Variants in TRPC6 observed in about 807,000 individuals in gnomAD.
The protein encoded by TRPC6 is transient receptor potential cation channel subfamily C member 6.
In TRPC6, 55 loss-of-function variants were observed where a neutral mutation model predicts 90.7. The observed-to-expected ratio is 0.61, with a 90% CI of 0.49 to 0.76. TRPC6 has a LOEUF of 0.76. Among genes scored for constraint, TRPC6 ranks in the 30% least tolerant of loss-of-function variants. The pLI is 0.00. For synonymous variants in TRPC6, 393 were observed against 393.0 expected (o/e 1.00, Z 0.00); for missense variants, 989 against 1,122.7 (o/e 0.88, Z 1.70).
chr11:101,478,729 C>T (rs1047294943), intron 5 of TRPC6, among the ~76,000 whole-genome samples: 3 of 152,028 alleles, frequency 2.0e-5, no homozygotes, highest in Non-Finnish European at 4.4e-5. Context: ...ATAGATCTTG[C>T]GATAAGGTGC....
chr11:101,516,235 C>A (rs1357829003), intron 1 of TRPC6, among the ~76,000 whole-genome samples: 2 of 152,032 alleles, frequency 1.3e-5, no homozygotes, highest in African/African-American at 4.8e-5. Flanking sequence ...TAAGTTCATG[C>A]TAGCAATGCA....
At chr11:101,541,528 A>AT (rs11389837) in intron 1 of TRPC6, among the ~76,000 whole-genome samples, 54,102 of 137,918 alleles carry the variant, frequency 0.39, 9,969 homozygotes, top group East Asian at 0.55. Context: ...CGCCCGGGTA[A>AT]TTTTTTGTAT....
intron 2 of TRPC6, among the ~76,000 whole-genome samples, chr11:101,494,991 T>G (rs1207206879): frequency 6.6e-6 from 1 of 152,190 alleles, no homozygotes; most frequent in Non-Finnish European, 1.5e-5. Flanking sequence ...AAATAAAATG[T>G]TGGTGGTAGC....
At chr11:101,519,526 C>CTACAAAATGAT (rs1458702097) in intron 1 of TRPC6, among the ~76,000 whole-genome samples, 2 of 151,954 alleles carry the variant, frequency 1.3e-5, no homozygotes, top group Non-Finnish European at 2.9e-5. Flanking sequence ...TGAAAACATG[C>CTACAAAATGAT]TACAAAATGA....
In TRPC6 at chr11:101,499,622, C is replaced by A. The variant is rs868494746; in HGVS notation, c.945+4402G>T. 3.0e-5 allele frequency among the ~76,000 whole-genome samples: 2 copies of A among 67,654 alleles called. 1 individual carries two copies. Among genetic ancestry groups the A allele is most frequent in the African/African-American group, 1.4e-4 (2 of 14,196 alleles). 44.4% of individuals were successfully genotyped at this position (67,654 alleles called of 152,430 possible). On this transcript the variant is annotated intron_variant, in intron 2 of 12. Coordinates refer to ENST00000344327, the MANE Select transcript of TRPC6 (RefSeq NM_004621.6). ...CGTATATATGGTATATATATATACA[C>A]ACACAATATAAAATGTGTATATATA... is the stretch of plus-strand genomic sequence containing the variant.
Position 101,476,059 on chromosome 11 carries a change from A to G in TRPC6, c.1744+242T>C, listed in dbSNP as rs747988208. Among the ~76,000 whole-genome samples the G allele has an allele frequency of 2.6e-5, 4 of 152,140 alleles. No homozygotes were observed. The South Asian group carries it at 6.2e-4, about 24-fold the overall frequency. On this transcript the variant is annotated intron_variant, in intron 6 of 12. Coordinates refer to ENST00000344327, the MANE Select transcript of TRPC6 (RefSeq NM_004621.6). ...CTCCATGAAGTTTGATAAGTAGCCA[A>G]TTGATCCAAGAGATAAAGGGAGATG...
At chr11:101,558,425 AT>A (rs1861634330) in intron 1 of TRPC6, among the ~76,000 whole-genome samples, 3 of 111,836 alleles carry the variant, frequency 2.7e-5, no homozygotes, top group Admixed American at 2.1e-4. Context: ...ACACACACAT[AT>A]CTACATATAT....
At chr11:101,563,437 A>T (rs4503499) in intron 1 of TRPC6, among the ~76,000 whole-genome samples, 128,863 of 152,110 alleles carry the variant, frequency 0.85, 55,421 homozygotes, top group Non-Finnish European at 0.92. Flanking sequence ...GGCTGATATG[A>T]TAGAAAACTG....
Position 101,583,695 on chromosome 11 carries a change from G to A in TRPC6, c.-192C>T, listed in dbSNP as rs1238235860. On this transcript the variant is annotated 5_prime_UTR_variant, in exon 1 of 13. Transcript: ENST00000344327. The stretch of plus-strand genomic sequence containing the variant: ...GGCTCGCCCACTGGCCCGGGGAAAA[G>A]TCACCACTTAAGGGGGTGCAAAGAG... 1 of 553,722 alleles carries A rather than the reference G, an allele frequency of 1.8e-6. No individual in the cohort carries two copies. The highest frequency in any genetic ancestry group is 3.0e-6 in the Non-Finnish European group (1 of 337,204). 34.3% of individuals were successfully genotyped at this position (553,722 alleles called of 1,614,324 possible).
Position 101,504,626 on chromosome 11 carries a change from G to C in TRPC6, c.343C>G (p.Arg115Gly). 6.2e-7 allele frequency: 1 copy of C among 1,613,012 alleles called. No homozygotes were observed. Among genetic ancestry groups the C allele is most frequent in the Non-Finnish European group, 8.5e-7 (1 of 1,179,252 alleles). ...AAEYGNIPVVRKMLEECHSLN... is the reference protein window; with the variant it reads ...AAEYGNIPVVGKMLEECHSLN... Reference sequence around the variant, plus strand: ...GAGTGGCATTCTTCTAACATCTTCCGCACCACTGGGATGTTACCATATTCA... The same window carrying C: ...GAGTGGCATTCTTCTAACATCTTCCCCACCACTGGGATGTTACCATATTCA... The change falls in exon 2 of 13, where the codon CGG becomes GGG. Residue 115 changes from arginine to glycine, a missense_variant. This residue lies in a region of TRPC6 where 486 missense variants were observed against 591.9 expected (regional missense o/e 0.82). Transcript: ENST00000344327.
intron 1 of TRPC6, among the ~76,000 whole-genome samples, chr11:101,566,234 A>C (rs1344242126): frequency 2.0e-5 from 3 of 152,238 alleles, no homozygotes; most frequent in Non-Finnish European, 4.4e-5. Flanking sequence ...TATTATCAAT[A>C]ATGTGTAACT....
chr11:101,471,109 AAAGGGATGT>A, intron 9 of TRPC6, 65 bp downstream of exon 9: 1 of 1,441,884 alleles, frequency 6.9e-7, no homozygotes, highest in Non-Finnish European at 9.7e-7. Flanking sequence ...GCTTCTCTTT[AAAGGGATGT>A]GGCATAGTGG....
At chr11:101,491,325 T>G (rs1430786741) in intron 3 of TRPC6, 1 of 406,318 alleles carries the variant, frequency 2.5e-6, no homozygotes, top group East Asian at 5.9e-5. Flanking sequence ...TCCCAGCTAC[T>G]TGGGAGGCTG....
rs1030086413 is a variant in TRPC6 at position 101,565,626 on chromosome 11, TTATCAAGCA to T, written c.170+17699_170+17707del. Among the ~76,000 whole-genome samples the T allele has an allele frequency of 3.3e-5, 5 of 152,196 alleles. No homozygotes were observed. In the East Asian group the frequency reaches 9.6e-4, roughly 29 times the overall value. On this transcript the variant is annotated intron_variant, in intron 1 of 12. Transcript: ENST00000344327. ...TCTCTGACATTACTCTCCTGACATCTTATCAAGCATATCATATAGACCCATCATTTCTGC... is the reference window on the plus strand; with the variant it reads ...TCTCTGACATTACTCTCCTGACATCTTATCATATAGACCCATCATTTCTGC...
At chr11:101,491,764 G>A in intron 2 of TRPC6, 26 bp from the exon 3 acceptor site, 1 of 1,561,120 alleles carries the variant, frequency 6.4e-7, no homozygotes, top group South Asian at 1.1e-5. Context: ...CAAAACAAAA[G>A]CAATAATGGA....
intron 1 of TRPC6, among the ~76,000 whole-genome samples, chr11:101,560,538 G>A (rs529417180): frequency 3.9e-5 from 6 of 152,118 alleles, no homozygotes; most frequent in Admixed American, 3.9e-4. Context: ...TAGATAATGT[G>A]TGTGACAAAC....
At chr11:101,553,145 TTTC>T (rs1412752915) in intron 1 of TRPC6, among the ~76,000 whole-genome samples, 1 of 152,096 alleles carries the variant, frequency 6.6e-6, no homozygotes, top group East Asian at 1.9e-4. Context: ...CAGTCCCCTC[TTTC>T]TTCATCTGAT....
intron 6 of TRPC6, 130 bp from the exon 7 acceptor site, chr11:101,473,903 G>A (rs540607800): frequency 6.9e-5 from 88 of 1,282,132 alleles, no homozygotes; most frequent in Non-Finnish European, 9.1e-5. Context: ...CTATCTTAAA[G>A]GGCTTCTTAA....
At chr11:101,518,292 C>G (rs1860568938) in intron 1 of TRPC6, among the ~76,000 whole-genome samples, 1 of 152,100 alleles carries the variant, frequency 6.6e-6, no homozygotes, top group South Asian at 2.1e-4. Context: ...CAAACTGCCC[C>G]TCTGACAAGG....
Sources: allele counts gnomAD v4.1 joint callset (sites outside exome capture counted in the v4.1 genomes callset), GRCh38; gene constraint gnomAD v4.1.1; regional missense constraint gnomAD v4.1.1; transcripts MANE v1.5; gene names NCBI Gene and HGNC (gene_info 2026-07-23, HGNC 2026-07-21).